ZBBX: variants seen among roughly 807,000 people sequenced by gnomAD.
The protein encoded by ZBBX is zinc finger B-box domain containing.
ZBBX carries 101 observed loss-of-function variants against 108.5 expected under a neutral mutation model. That is an observed-to-expected ratio of 0.93 (90% CI 0.79 to 1.10). The LOEUF (loss-of-function observed/expected upper bound fraction) is 1.10. Among genes scored for constraint, ZBBX ranks in the 50% least tolerant of loss-of-function variants. The probability of loss-of-function intolerance (pLI) is 0.00; values close to 1 mark genes in which losing one functional copy is unlikely to be tolerated. For synonymous variants in ZBBX, 356 were observed against 323.4 expected (o/e 1.10, Z -1.08); for missense variants, 1,009 against 941.4 (o/e 1.07, Z -0.94).
the ZBBX span, among the ~76,000 whole-genome samples, chr3:167,216,612 G>A: frequency 6.6e-6 from 1 of 151,896 alleles, no homozygotes; most frequent in East Asian, 1.9e-4. Context: ...CACAGAACTA[G>A]AAAAAATTCT....
At chr3:167,403,738 TA>T (rs1748496625) in intron 1 of ZBBX, among the ~76,000 whole-genome samples, 1 of 152,012 alleles carries the variant, frequency 6.6e-6, no homozygotes, top group African/African-American at 2.4e-5. Flanking sequence ...TATGGTAGGT[TA>T]AATGTGCATA....
intron 1 of ZBBX, among the ~76,000 whole-genome samples, chr3:167,399,165 C>T (rs1748341929): frequency 6.6e-6 from 1 of 152,014 alleles, no homozygotes; most frequent in South Asian, 2.1e-4. Flanking sequence ...TGCACTCACT[C>T]ATTCATTCAC....
intron 1 of ZBBX, among the ~76,000 whole-genome samples, chr3:167,397,422 A>C (rs779664345): frequency 2.6e-5 from 4 of 151,886 alleles, no homozygotes; most frequent in Non-Finnish European, 5.9e-5. Context: ...CATGCACAAA[A>C]ACACACTTTT....
the ZBBX span, among the ~76,000 whole-genome samples, chr3:167,190,228 G>T: frequency 6.6e-6 from 1 of 151,930 alleles, no homozygotes; most frequent in East Asian, 1.9e-4. Context: ...AAAAAGTTTT[G>T]TTCAACTACA....
intron 20 of ZBBX, among the ~76,000 whole-genome samples, chr3:167,256,265 AC>A (rs768389433): frequency 2.0e-4 from 30 of 152,166 alleles, no homozygotes; most frequent in Non-Finnish European, 3.7e-4. Context: ...GCTGTAACAA[AC>A]ATAAGAGGGC....
At position 167,322,222 on chromosome 3, in the gene ZBBX, C is replaced by T; in HGVS notation, c.878G>A (p.Cys293Tyr). 6.8e-7 allele frequency: 1 copy of T among 1,466,850 alleles called. No homozygotes were observed. The highest frequency in any genetic ancestry group is 1.4e-5 in the African/African-American group (1 of 68,998). The allele number at this position is 1,466,850 out of a possible 1,614,324, so 90.9% of individuals were successfully genotyped here. ...HAAVKDSLEE[C>Y]EVQTNLKIWR... ...AATTTTCAGATTAGTCTGTACTTCG[C>T]ATTCTTCCAATGAGTCTGTAAAAAT... Residue 293 changes from cysteine (C) to tyrosine (Y), a missense_variant, in exon 12 of 22, where the codon TGC (cysteine) becomes TAC (tyrosine). Coordinates refer to ENST00000675490, the MANE Select transcript of ZBBX (RefSeq NM_001199201.2).
At chr3:167,361,080 C>T (rs1205608204) in intron 6 of ZBBX, among the ~76,000 whole-genome samples, 3 of 152,072 alleles carry the variant, frequency 2.0e-5, no homozygotes, top group African/African-American at 7.2e-5. Flanking sequence ...TTCTGAGACA[C>T]ACAGTCTAAT....
At chr3:167,327,297 C>A (rs1241621310) in intron 11 of ZBBX, among the ~76,000 whole-genome samples, 1 of 151,904 alleles carries the variant, frequency 6.6e-6, no homozygotes, top group East Asian at 1.9e-4. Context: ...CAGACTCTCC[C>A]ATTTTATGTG....
At chr3:167,299,924 T>C (rs1054786930) in intron 17 of ZBBX, among the ~76,000 whole-genome samples, 1 of 152,154 alleles carries the variant, frequency 6.6e-6, no homozygotes, top group Non-Finnish European at 1.5e-5. Flanking sequence ...TTTAGAAAGC[T>C]CTATTTTACA....
At chr3:167,208,199 C>T in the ZBBX span, among the ~76,000 whole-genome samples, 2 of 152,154 alleles carry the variant, frequency 1.3e-5, no homozygotes, top group Middle Eastern at 3.2e-3. Flanking sequence ...TGTTAAAGTG[C>T]TCTGGGGTAC....
chr3:167,349,831 T>A (rs1742327341), intron 9 of ZBBX, among the ~76,000 whole-genome samples: 1 of 152,054 alleles, frequency 6.6e-6, no homozygotes, highest in South Asian at 2.1e-4. Context: ...GTAACTAGTG[T>A]AATGCCATGT....
chr3:167,397,806 T>TA (rs1034720213), intron 1 of ZBBX, among the ~76,000 whole-genome samples: 101 of 112,398 alleles, frequency 9.0e-4, no homozygotes, highest in Middle Eastern at 4.7e-3. Context: ...TTTGGAGAAA[T>TA]AAAAAAAAAA....
chr3:167,341,366 A>T (rs1740505835), intron 9 of ZBBX, among the ~76,000 whole-genome samples: 1 of 151,904 alleles, frequency 6.6e-6, no homozygotes, highest in African/African-American at 2.4e-5. Context: ...TACTTTATAA[A>T]ATAACACGAA....
chr3:167,288,867 C>A lies in ZBBX; in HGVS notation c.1996G>T (p.Gly666Cys), dbSNP rs201896466. The change falls in exon 19 of 22, where the codon GGT becomes TGT. Residue 666 changes from glycine to cysteine, a missense_variant and splice_region_variant. Transcript: ENST00000675490. ...ACTGCTGCCTTTGAGTCAATGTTAC[C>A]CATCTTTTGCTGTTTTCTACTTGAT... ...PSSSRKQQKM[G>C]QKSQRPSTAN... The A allele has an allele frequency of 4.2e-4, 638 of 1,528,502 alleles. 1 individual carries two copies. Among genetic ancestry groups the A allele is most frequent in the Admixed American group, 7.4e-4 (37 of 50,158 alleles). 94.7% of individuals were successfully genotyped at this position (1,528,502 alleles called of 1,614,324 possible). A position where few individuals can be genotyped will look rare whatever the true frequency, so the allele number is the denominator to read the frequency against.
chr3:167,191,934 T>TATATATAG, the ZBBX span, among the ~76,000 whole-genome samples: 14 of 130,218 alleles, frequency 1.1e-4, no homozygotes, highest in East Asian at 4.7e-4. Context: ...TATATATATA[T>TATATATAG]AGAGCAAGTT....
chr3:167,359,787 A>T lies in ZBBX; in HGVS notation c.432+83T>A, dbSNP rs150502243. The T allele has an allele frequency of 1.2e-4, 66 of 569,760 alleles. 2 individuals are homozygous for T. In the East Asian group the frequency reaches 2.3e-3, roughly 20 times the overall value. The allele number at this position is 569,760 out of a possible 1,614,324, so 35.3% of individuals were successfully genotyped here. On this transcript the variant is annotated intron_variant, in intron 8 of 21. Transcript: ENST00000675490. The stretch of plus-strand genomic sequence containing the variant: ...AAGCAAGTTAAGTTGGGAGAGGTGT[A>T]TGAGGCCATGTGAAAGTTCTATTCT...
chr3:167,348,518 A>T (rs1742096996), intron 9 of ZBBX, among the ~76,000 whole-genome samples: 1 of 151,992 alleles, frequency 6.6e-6, no homozygotes, highest in Admixed American at 6.6e-5. Context: ...ATGTGAAGTG[A>T]TAGAAACATT....
chr3:167,404,815 G>T (rs1748533750), intron 1 of ZBBX, among the ~76,000 whole-genome samples: 2 of 152,152 alleles, frequency 1.3e-5, no homozygotes, highest in Admixed American at 1.3e-4. Context: ...TTGTCAAAAA[G>T]ATATTGAAGA....
intron 12 of ZBBX, among the ~76,000 whole-genome samples, chr3:167,321,166 A>G (rs775508827): frequency 1.3e-5 from 2 of 151,982 alleles, no homozygotes; most frequent in Non-Finnish European, 2.9e-5. Flanking sequence ...ACCCATCTGT[A>G]TATCTTCTTT....
Sources: allele counts gnomAD v4.1 joint callset (sites outside exome capture counted in the v4.1 genomes callset), GRCh38; gene constraint gnomAD v4.1.1; transcripts MANE v1.5; gene names NCBI Gene and HGNC (gene_info 2026-07-23, HGNC 2026-07-21).